Variants in MGRN1 observed in about 807,000 individuals in gnomAD.
MGRN1 encodes mahogunin ring finger 1.
Under a neutral mutation model 69.2 loss-of-function variants are expected in MGRN1, and 29 were observed. That is an observed-to-expected ratio of 0.42 (90% CI 0.31 to 0.57). The LOEUF (loss-of-function observed/expected upper bound fraction) is 0.57. Ranked by LOEUF, MGRN1 falls within the 20% of genes least tolerant of loss-of-function variation. The pLI is 0.15. For missense variants in MGRN1, 998 were observed against 796.2 expected, an observed-to-expected ratio of 1.25 and a Z score of -3.05; for synonymous variants, 470 against 344.2, an observed-to-expected ratio of 1.37 and a Z score of -4.04.
chr16:4,665,471 C>T (rs1344760328), intron 7 of MGRN1, among the ~76,000 whole-genome samples: 2 of 150,860 alleles, frequency 1.3e-5, no homozygotes, highest in Non-Finnish European at 3.0e-5. Flanking sequence ...TGGGTTCAAG[C>T]GATTCTCCCA....
intron 4 of MGRN1, 47 bp downstream of exon 4, chr16:4,652,871 C>A: frequency 1.3e-6 from 2 of 1,539,566 alleles, no homozygotes; most frequent in South Asian, 1.2e-5. Flanking sequence ...GGGCCCCAGA[C>A]TCCTGGGGGA....
intron 10 of MGRN1, among the ~76,000 whole-genome samples, chr16:4,674,075 C>T (rs540095903): frequency 1.8e-4 from 27 of 152,306 alleles, no homozygotes; most frequent in African/African-American, 6.3e-4. Flanking sequence ...ACCTCTGCCT[C>T]CTGAGTTCAA....
chr16:4,662,517 A>T (rs999088234), intron 5 of MGRN1, among the ~76,000 whole-genome samples: 1 of 144,392 alleles, frequency 6.9e-6, no homozygotes, highest in Non-Finnish European at 1.5e-5. Context: ...CTCTGTCTCA[A>T]AAAAAAAAAA....
chr16:4,688,178 G>A (rs891141997), intron 16 of MGRN1: 73 of 985,460 alleles, frequency 7.4e-5, no homozygotes, highest in Non-Finnish European at 8.4e-5. Context: ...AGGCAGCCCT[G>A]AGGCCATGCT....
intron 1 of MGRN1, among the ~76,000 whole-genome samples, chr16:4,626,199 T>C (rs567967849): frequency 4.7e-4 from 71 of 152,300 alleles, no homozygotes; most frequent in Admixed American, 1.4e-3. Flanking sequence ...CCAGCACAGT[T>C]TGGGGGCACT....
intron 8 of MGRN1, among the ~76,000 whole-genome samples, chr16:4,668,790 A>G (rs568268649): frequency 2.1e-4 from 32 of 152,190 alleles, no homozygotes; most frequent in African/African-American, 7.0e-4. Context: ...TCATACACAT[A>G]TACACATACA....
chr16:4,658,085 C>T (rs1461449744), intron 5 of MGRN1, among the ~76,000 whole-genome samples: 3 of 151,894 alleles, frequency 2.0e-5, no homozygotes, highest in African/African-American at 4.8e-5. Flanking sequence ...TAGGTTGCGG[C>T]TTGAGTGGCT....
At chr16:4,625,178 T>C (rs1442019768) in intron 1 of MGRN1, 130 bp downstream of exon 1, 2 of 890,614 alleles carry the variant, frequency 2.2e-6, no homozygotes, top group Non-Finnish European at 3.1e-6. Context: ...ACCCCGAGCC[T>C]TCGCGCGGCC....
At chr16:4,661,038 G>T (rs2078668131) in intron 5 of MGRN1, among the ~76,000 whole-genome samples, 1 of 152,162 alleles carries the variant, frequency 6.6e-6, no homozygotes, top group Non-Finnish European at 1.5e-5. Flanking sequence ...CTGGAGTGCA[G>T]TGGCACAATC....
At chr16:4,663,021 T>C (rs1433245032) in intron 5 of MGRN1, among the ~76,000 whole-genome samples, 7 of 152,246 alleles carry the variant, frequency 4.6e-5, no homozygotes, top group Non-Finnish European at 1.0e-4. Context: ...TGCCCTTGCC[T>C]GGGCTGGGCC....
intron 5 of MGRN1, among the ~76,000 whole-genome samples, chr16:4,659,784 C>G (rs959573125): frequency 5.3e-5 from 8 of 152,220 alleles, no homozygotes; most frequent in African/African-American, 1.7e-4. Context: ...GAAAAGAAAA[C>G]CAGAGACTTA....
At chr16:4,636,347 A>C (rs1019692710) in intron 1 of MGRN1, among the ~76,000 whole-genome samples, 1 of 151,966 alleles carries the variant, frequency 6.6e-6, no homozygotes, top group Non-Finnish European at 1.5e-5. Flanking sequence ...GCTCCACCTC[A>C]GGATGAGATG....
intron 7 of MGRN1, 104 bp downstream of exon 7, chr16:4,665,255 G>T (rs1567212136): frequency 7.7e-7 from 1 of 1,298,046 alleles, no homozygotes; most frequent in Non-Finnish European, 1.1e-6. Context: ...TGGTGGGGTG[G>T]CTGAGTGTCA....
intron 4 of MGRN1, among the ~76,000 whole-genome samples, chr16:4,655,670 A>G (rs1267551843): frequency 6.6e-6 from 1 of 152,120 alleles, no homozygotes; most frequent in Non-Finnish European, 1.5e-5. Context: ...CTCTCTCAGG[A>G]CGCGGTGCAA....
At chr16:4,644,643 CAATT>C (rs2078237615) in intron 1 of MGRN1, among the ~76,000 whole-genome samples, 1 of 152,156 alleles carries the variant, frequency 6.6e-6, no homozygotes, top group African/African-American at 2.4e-5. Flanking sequence ...TTGATAACAT[CAATT>C]AGATAGGAAT....
intron 10 of MGRN1, among the ~76,000 whole-genome samples, chr16:4,674,632 T>C (rs1286380713): frequency 7.6e-5 from 8 of 105,928 alleles, no homozygotes; most frequent in African/African-American, 2.5e-4. Context: ...TTTTCTTTTT[T>C]TTTTTTTTTT....
rs1277427967 is a variant in MGRN1, at chr16:4,677,566, G to A, written c.1059G>A (p.Glu353=). 1 of 1,599,766 alleles carries A rather than the reference G, an allele frequency of 6.3e-7. No homozygotes were observed. The highest frequency in any genetic ancestry group is 2.2e-5 in the East Asian group (1 of 44,824). ...PVLAQSLEHD[E]HSCPFKKSKP... ...TGGCCCAGAGCCTGGAGCATGATGA[G>A]CACTCTGTAAGTGCCGCCTCCTGCC... Residue 353 remains glutamate (E), a synonymous_variant, in exon 11 of 17, where the codon GAG becomes GAA. Coordinates refer to ENST00000262370, the MANE Select transcript of MGRN1 (RefSeq NM_015246.4).
Position 4,651,965 on chromosome 16 carries a change from T to C in MGRN1, c.210T>C (p.Phe70=), listed in dbSNP as rs749601050. 4 of 1,613,718 alleles carry C rather than the reference T, an allele frequency of 2.5e-6. No homozygotes were observed. The Admixed American group carries it at 5.0e-5, about 20-fold the overall frequency. The part of the protein sequence containing the change: ...LNFLGSRPVQ[F]PYVTPAPHEP... ...GGGCCCTGTGGTTTTTCTCCTAGTT[T>C]CCCTACGTCACTCCTGCCCCCCACG... The change falls in exon 3 of 17, where the codon TTT becomes TTC. Residue 70 remains phenylalanine (F), a splice_region_variant and synonymous_variant. Coordinates refer to ENST00000262370, the MANE Select transcript of MGRN1 (RefSeq NM_015246.4).
chr16:4,635,400 G>A (rs1222364290), intron 1 of MGRN1, among the ~76,000 whole-genome samples: 3 of 152,156 alleles, frequency 2.0e-5, no homozygotes, highest in Non-Finnish European at 4.4e-5. Flanking sequence ...CTGGGTGACA[G>A]AGTGAGACCC....
Sources: allele counts gnomAD v4.1 joint callset (sites outside exome capture counted in the v4.1 genomes callset), GRCh38; gene constraint gnomAD v4.1.1; transcripts MANE v1.5; gene names NCBI Gene and HGNC (gene_info 2026-07-23, HGNC 2026-07-21).